HDAC4: variants seen among roughly 807,000 people sequenced by gnomAD.
HDAC4 encodes histone deacetylase A.
A neutral mutation model predicts 135.1 loss-of-function variants in HDAC4; 16 were observed. The ratio of observed to expected loss-of-function variants is 0.12; its 90% CI spans 0.08 to 0.18. The LOEUF (loss-of-function observed/expected upper bound fraction) is 0.18. HDAC4 is among the 10% of genes least tolerant of loss of function. The probability of loss-of-function intolerance (pLI) is 1.00; values close to 1 mark genes in which losing one functional copy is unlikely to be tolerated. For missense variants in HDAC4, 1,143 were observed against 1,511.8 expected, an observed-to-expected ratio of 0.76 and a Z score of 4.05; for synonymous variants, 685 against 653.4, an observed-to-expected ratio of 1.05 and a Z score of -0.74.
chr2:239,330,954 A>C (rs1575704154), intron 2 of HDAC4, among the ~76,000 whole-genome samples: 1 of 152,100 alleles, frequency 6.6e-6, no homozygotes. Context: ...CTGTGCTGCC[A>C]CCCCAGCCCC....
At chr2:239,078,374 G>A (rs2034974824) in intron 22 of HDAC4, among the ~76,000 whole-genome samples, 1 of 151,580 alleles carries the variant, frequency 6.6e-6, no homozygotes. Context: ...TGAATAACAA[G>A]GTGCTGCCTG....
chr2:239,089,043 G>A (rs1285097849), intron 18 of HDAC4, among the ~76,000 whole-genome samples: 4 of 152,282 alleles, frequency 2.6e-5, no homozygotes, highest in East Asian at 3.9e-4. Context: ...TAAACAAAAC[G>A]GAGGGGGAGG....
chr2:239,054,322 C>CA (rs982484065), intron 25 of HDAC4, among the ~76,000 whole-genome samples: 9 of 152,248 alleles, frequency 5.9e-5, no homozygotes, highest in African/African-American at 2.2e-4. Context: ...TGCCAGAACT[C>CA]AGAGGGCCTA....
chr2:239,345,966 G>A (rs1001046243), intron 2 of HDAC4, among the ~76,000 whole-genome samples: 1 of 125,900 alleles, frequency 7.9e-6, no homozygotes, highest in East Asian at 2.5e-4. Context: ...CATACACACC[G>A]TCTGAAACAC....
intron 1 of HDAC4, among the ~76,000 whole-genome samples, chr2:239,370,325 T>C (rs1477491879): frequency 3.3e-5 from 5 of 152,196 alleles, no homozygotes; most frequent in Non-Finnish European, 5.9e-5. Context: ...CTGAAAGACA[T>C]GGCTCGGGGC....
At chr2:239,137,748 G>A (rs571798660) in intron 9 of HDAC4, among the ~76,000 whole-genome samples, 6 of 152,230 alleles carry the variant, frequency 3.9e-5, no homozygotes, top group African/African-American at 9.6e-5. Flanking sequence ...TCACAGACCC[G>A]TCCAACTCTA....
intron 3 of HDAC4, among the ~76,000 whole-genome samples, chr2:239,225,139 C>T (rs1472623261): frequency 6.6e-6 from 1 of 152,066 alleles, no homozygotes; most frequent in Admixed American, 6.6e-5. Context: ...AAAAAAGGAA[C>T]CAAAAAGCAA....
intron 2 of HDAC4, among the ~76,000 whole-genome samples, chr2:239,256,225 T>G (rs1452706970): frequency 6.6e-6 from 1 of 152,212 alleles, no homozygotes; most frequent in Non-Finnish European, 1.5e-5. Context: ...TCAGTGGGGC[T>G]CCTTCTAGGA....
intron 18 of HDAC4, among the ~76,000 whole-genome samples, chr2:239,088,432 C>A (rs1171561817): frequency 6.6e-6 from 1 of 152,230 alleles, no homozygotes; most frequent in Non-Finnish European, 1.5e-5. Context: ...TCTCAAGAGG[C>A]CCTGGCCTCC....
intron 22 of HDAC4, among the ~76,000 whole-genome samples, chr2:239,072,064 T>C (rs1230754459): frequency 6.6e-6 from 1 of 152,208 alleles, no homozygotes; most frequent in East Asian, 1.9e-4. Flanking sequence ...ATTGTCCCCA[T>C]AAACTTTTCA....
At chr2:239,083,088 C>A (rs1056344129) in intron 20 of HDAC4, among the ~76,000 whole-genome samples, 1 of 152,246 alleles carries the variant, frequency 6.6e-6, no homozygotes, top group Non-Finnish European at 1.5e-5. Flanking sequence ...GCTGTGAAGA[C>A]GCACATGGAG....
intron 2 of HDAC4, among the ~76,000 whole-genome samples, chr2:239,243,022 C>T (rs988446321): frequency 1.3e-5 from 2 of 152,290 alleles, no homozygotes; most frequent in East Asian, 3.9e-4. Context: ...AAGAGCTCCA[C>T]ACAAGCTACA....
At chr2:239,086,769 A>G (rs1396586096) in intron 19 of HDAC4, among the ~76,000 whole-genome samples, 1 of 152,166 alleles carries the variant, frequency 6.6e-6, no homozygotes, top group Non-Finnish European at 1.5e-5. Context: ...CTGCTGCTCC[A>G]ACTCTCCAAG....
At chr2:239,194,957 G>A (rs953433336) in intron 3 of HDAC4, among the ~76,000 whole-genome samples, 8 of 152,208 alleles carry the variant, frequency 5.3e-5, no homozygotes, top group Non-Finnish European at 1.0e-4. Flanking sequence ...CTCGGTGCGC[G>A]TCTCCCTACG....
chr2:239,108,052 C>T lies in HDAC4; in HGVS notation c.2110G>A (p.Glu704Lys), dbSNP rs2152784787. ...LQETGLRGKC[E>K]CIRGRKATLE... ...CCACCTGCCCCGGTCGGCGTTACCTCGCATTTGCCCCGGAGGCCCGTCTCC... is the reference window on the plus strand; with the variant it reads ...CCACCTGCCCCGGTCGGCGTTACCTTGCATTTGCCCCGGAGGCCCGTCTCC... The change falls in exon 15 of 27, where the codon GAG (glutamate) becomes AAG (lysine). Residue 704 changes from glutamate (E) to lysine (K), a missense_variant and splice_region_variant. Coordinates refer to ENST00000543185, the MANE Select transcript of HDAC4 (RefSeq NM_001378414.1). The T allele has an allele frequency of 3.7e-6, 6 of 1,610,802 alleles. No individual in the cohort carries two copies. The highest frequency in any genetic ancestry group is 4.2e-6 in the Non-Finnish European group (5 of 1,179,834).
Position 239,108,077 on chromosome 2 carries a change from C to T in HDAC4, c.2085G>A (p.Gln695=). ...GRIQSIWSRL[Q]ETGLRGKCEC... ...CGCATTTGCCCCGGAGGCCCGTCTC[C>T]TGCAGGCGGGACCAGATGCTCTGGA... is the stretch of plus-strand genomic sequence containing the variant. Residue 695 remains glutamine (Q), a synonymous_variant, in exon 15 of 27, where the codon CAG becomes CAA. Coordinates refer to ENST00000543185, the MANE Select transcript of HDAC4 (RefSeq NM_001378414.1). The T allele has an allele frequency of 6.2e-7, 1 of 1,610,962 alleles. No homozygotes were observed. The highest frequency in any genetic ancestry group is 1.7e-5 in the Admixed American group (1 of 60,006).
intron 2 of HDAC4, among the ~76,000 whole-genome samples, chr2:239,264,671 A>G (rs2049604213): frequency 6.6e-6 from 1 of 152,136 alleles, no homozygotes; most frequent in Admixed American, 6.5e-5. Context: ...CGAAGAATAG[A>G]TCAGCCTTCC....
At chr2:239,242,400 C>T (rs962466103) in intron 2 of HDAC4, among the ~76,000 whole-genome samples, 16 of 152,230 alleles carry the variant, frequency 1.1e-4, no homozygotes, top group East Asian at 1.9e-4. Context: ...TTCAGTGTTG[C>T]GGTCTTGAAC....
At chr2:239,089,392 G>C (rs915716993) in intron 18 of HDAC4, among the ~76,000 whole-genome samples, 1 of 152,148 alleles carries the variant, frequency 6.6e-6, no homozygotes, top group African/African-American at 2.4e-5. Context: ...GCAATGGCGT[G>C]ACTCGGCTCG....
Sources: allele counts gnomAD v4.1 joint callset (sites outside exome capture counted in the v4.1 genomes callset), GRCh38; gene constraint gnomAD v4.1.1; transcripts MANE v1.5; gene names NCBI Gene and HGNC (gene_info 2026-07-23, HGNC 2026-07-21).